Variants in PAM observed in about 807,000 individuals in gnomAD.
PAM encodes the protein peptidylglycine alpha-amidating monooxygenase, also known as peptidyl-glycine alpha-amidating monooxygenase.
Under a neutral mutation model 122.1 loss-of-function variants are expected in PAM, and 72 were observed. That is an observed-to-expected ratio of 0.59 (90% CI 0.49 to 0.72). The LOEUF (loss-of-function observed/expected upper bound fraction) is 0.72. Ranked by LOEUF, PAM falls within the 30% of genes least tolerant of loss-of-function variation. The probability of loss-of-function intolerance (pLI) is 0.00; values close to 1 mark genes in which losing one functional copy is unlikely to be tolerated. For missense variants in PAM, 1,106 were observed against 1,183.7 expected, an observed-to-expected ratio of 0.93 and a Z score of 0.96; for synonymous variants, 389 against 404.4, an observed-to-expected ratio of 0.96 and a Z score of 0.46.
At chr5:102,908,250 T>G (rs1800217161) in intron 4 of PAM, among the ~76,000 whole-genome samples, 1 of 152,012 alleles carries the variant, frequency 6.6e-6, no homozygotes. Flanking sequence ...CATTGCTTGT[T>G]TTTCTCAGGT....
chr5:102,756,644 A>G (rs557907672), intron 1 of PAM, among the ~76,000 whole-genome samples: 1 of 152,280 alleles, frequency 6.6e-6, no homozygotes, highest in East Asian at 1.9e-4. Flanking sequence ...ATGCCATTCT[A>G]GTTACTTTAT....
At chr5:102,758,823 C>T (rs1580719902) in intron 1 of PAM, among the ~76,000 whole-genome samples, 1 of 152,208 alleles carries the variant, frequency 6.6e-6, no homozygotes, top group Non-Finnish European at 1.5e-5. Context: ...TTTAGTTTCT[C>T]CAGGGTAGGG....
chr5:103,029,202 C>T lies in PAM; in HGVS notation c.*137C>T, dbSNP rs1583070310. ...GGGACTGTACACACTTTATTTACTT[C>T]GTTTTGGTTAAGTTGGCTTCTGTTT... On this transcript the variant is annotated 3_prime_UTR_variant, in exon 26 of 26. Transcript: ENST00000438793. 3 of 593,164 alleles carry T rather than the reference C, an allele frequency of 5.1e-6. No homozygotes were observed. Among genetic ancestry groups the T allele is most frequent in the Middle Eastern group, 4.7e-4 (1 of 2,140 alleles). 36.7% of individuals were successfully genotyped at this position (593,164 alleles called of 1,614,324 possible).
chr5:102,794,287 CA>C (rs1165721892), intron 1 of PAM, among the ~76,000 whole-genome samples: 1 of 152,150 alleles, frequency 6.6e-6, no homozygotes, highest in Non-Finnish European at 1.5e-5. Flanking sequence ...GGTGTGATTT[CA>C]GTAGGTGGAA....
intron 1 of PAM, among the ~76,000 whole-genome samples, chr5:102,824,680 A>AT (rs1456059738): frequency 6.6e-6 from 1 of 152,232 alleles, no homozygotes; most frequent in African/African-American, 2.4e-5. Context: ...TGCTCAATAC[A>AT]TGCTAAATGT....
intron 8 of PAM, among the ~76,000 whole-genome samples, chr5:102,948,048 T>C (rs1389977831): frequency 1.3e-5 from 2 of 152,054 alleles, no homozygotes; most frequent in African/African-American, 4.8e-5. Flanking sequence ...ACCCGCACTA[T>C]GGAAAATAAT....
In PAM at chr5:102,966,952, C is replaced by A. The variant is rs935547154; in HGVS notation, c.1162+5723C>A. Among the ~76,000 whole-genome samples the A allele has an allele frequency of 1.4e-4, 22 of 152,034 alleles. No homozygotes were observed. The East Asian group carries it at 3.5e-3, about 24-fold the overall frequency. On this transcript the variant is annotated intron_variant, in intron 14 of 25. Transcript: ENST00000438793. Reference sequence around the variant, plus strand: ...TGATCATTTTTAAAAAATAATAGCACCTGCCTCATTAAGATTTTACAATTT... The same window carrying A: ...TGATCATTTTTAAAAAATAATAGCAACTGCCTCATTAAGATTTTACAATTT...
chr5:102,993,143 G>A (rs766551608), intron 16 of PAM, among the ~76,000 whole-genome samples: 1 of 152,032 alleles, frequency 6.6e-6, no homozygotes, highest in Non-Finnish European at 1.5e-5. Context: ...TTCTCAATAT[G>A]ATTTCCATTT....
In PAM at chr5:103,029,055, C is replaced by T. The variant is rs747469558; in HGVS notation, c.2912C>T (p.Ser971Phe). ...GCACCTCTGCCTGCGCTCGCACCTT[C>T]CTCCTCCTGAAAACCAAGCTTTGAT... ...YSAPLPALAP[S>F]SS Residue 971 changes from serine to phenylalanine, a missense_variant, in exon 26 of 26, where the codon TCC (serine) becomes TTC (phenylalanine). This residue lies in a region of PAM where 333 missense variants were observed against 335.6 expected (regional missense o/e 0.99). Transcript: ENST00000438793. 19 of 1,602,516 alleles carry T rather than the reference C, an allele frequency of 1.2e-5. No individual in the cohort carries two copies. In the East Asian group the frequency reaches 3.8e-4, roughly 32 times the overall value.
intron 1 of PAM, among the ~76,000 whole-genome samples, chr5:102,849,640 A>G (rs2150709651): frequency 6.6e-6 from 1 of 152,220 alleles, no homozygotes; most frequent in South Asian, 2.1e-4. Context: ...AGTGGAGAGC[A>G]TTAGTTATAT....
intron 20 of PAM, among the ~76,000 whole-genome samples, chr5:103,009,471 A>G (rs1779990486): frequency 6.6e-6 from 1 of 152,152 alleles, no homozygotes; most frequent in Admixed American, 6.5e-5. Context: ...TTATATCTAT[A>G]TATCAATATC....
At chr5:102,919,281 T>A (rs1746526748) in intron 5 of PAM, among the ~76,000 whole-genome samples, 2 of 152,124 alleles carry the variant, frequency 1.3e-5, no homozygotes, top group African/African-American at 4.8e-5. Context: ...TATGCCTGTA[T>A]GAGAGATACT....
intron 1 of PAM, among the ~76,000 whole-genome samples, chr5:102,765,464 C>T (rs189222235): frequency 2.0e-5 from 3 of 152,300 alleles, no homozygotes; most frequent in Non-Finnish European, 2.9e-5. Flanking sequence ...AGGTTCTTCA[C>T]ACCATTTCAC....
At chr5:102,949,834 A>G in intron 10 of PAM, 68 bp from the exon 11 acceptor site, 1 of 860,568 alleles carries the variant, frequency 1.2e-6, no homozygotes, top group Non-Finnish European at 1.9e-6. Flanking sequence ...AAAGTAGGAA[A>G]GTAAATATGC....
At chr5:102,971,668 G>A (rs957591979) in intron 14 of PAM, among the ~76,000 whole-genome samples, 19 of 152,188 alleles carry the variant, frequency 1.2e-4, no homozygotes, top group Middle Eastern at 3.4e-3. Flanking sequence ...AACATAAACT[G>A]AAAAGAAAAA....
intron 16 of PAM, among the ~76,000 whole-genome samples, chr5:103,002,035 C>CGT (rs1274794219): frequency 6.6e-6 from 1 of 151,934 alleles, no homozygotes; most frequent in Non-Finnish European, 1.5e-5. Context: ...CACACACACA[C>CGT]ATACACACAC....
At position 102,950,724 on chromosome 5, in the gene PAM, A is replaced by T; in HGVS notation, c.809A>T (p.Tyr270Phe). Residue 270 changes from tyrosine (Y) to phenylalanine (F), a missense_variant, in exon 12 of 26, where the codon TAC (tyrosine) becomes TTC (phenylalanine). Tyr to Phe is a conservative substitution (Grantham distance 22). Around this residue, in one of 3 missense-constraint regions of PAM, gnomAD observed 670 missense variants for 690.3 expected, o/e 0.97. Coordinates refer to ENST00000438793, the MANE Select transcript of PAM (RefSeq NM_001177306.2). ...RQSPQLPQAF[Y>F]PVGHPVDVSF... ...TGTTTGTCTTTTTGGTAGGCTTTCT[A>T]CCCTGTGGGGCATCCAGTTGATGTA... 3.1e-6 allele frequency: 5 copies of T among 1,600,526 alleles called. No individual in the cohort carries two copies. The highest frequency in any genetic ancestry group is 4.3e-6 in the Non-Finnish European group (5 of 1,168,194).
intron 12 of PAM, among the ~76,000 whole-genome samples, chr5:102,954,307 C>G (rs894454909): frequency 3.3e-5 from 5 of 151,884 alleles, no homozygotes; most frequent in Non-Finnish European, 7.4e-5. Context: ...CCCCCTCCCA[C>G]TCTTCCCTCC....
At position 102,888,608 on chromosome 5, in the gene PAM, G is replaced by C. The variant is rs558838553; in HGVS notation, c.211-12748G>C. On this transcript the variant is annotated intron_variant, in intron 3 of 25. Coordinates refer to ENST00000438793, the MANE Select transcript of PAM (RefSeq NM_001177306.2). ...TACCTAATAGTCCAGTTACCAGACT[G>C]TCCCTGCCTCCACCACACTTACTCC... Among the ~76,000 whole-genome samples the C allele has an allele frequency of 2.0e-5, 3 of 151,856 alleles. No homozygotes were observed. The East Asian group carries it at 5.9e-4, about 30-fold the overall frequency.
Sources: gnomAD v4.1 joint callset for allele counts (sites outside exome capture counted in the v4.1 genomes callset) on GRCh38, gnomAD v4.1.1 for gene constraint, gnomAD v4.1.1 regional missense constraint, MANE v1.5 for transcripts, NCBI Gene and HGNC (gene_info 2026-07-23, HGNC 2026-07-21) for gene names.